The following SOX5 variants were observed in gnomAD, a reference collection of about 807,000 sequenced individuals.
The protein encoded by SOX5 is SRY-box transcription factor 5, also known as transcription factor SOX-5.
Under a neutral mutation model 92.0 loss-of-function variants are expected in SOX5, and 9 were observed. That is an observed-to-expected ratio of 0.10 (90% confidence interval 0.06 to 0.17). SOX5 has a LOEUF of 0.17. Among genes scored for constraint, SOX5 ranks in the 10% least tolerant of loss-of-function variants. SOX5 has a pLI of 1.00. For synonymous variants in SOX5, 344 were observed against 336.3 expected (o/e 1.02, Z -0.25); for missense variants, 642 against 944.5 (o/e 0.68, Z 4.20).
chr12:24,031,840 G>A (rs911439951), intron 4 of SOX5, among the ~76,000 whole-genome samples: 1 of 151,628 alleles, frequency 6.6e-6, no homozygotes, highest in Admixed American at 6.6e-5. Flanking sequence ...AGGCAGGAGT[G>A]ACATTATAAA....
intron 3 of SOX5, among the ~76,000 whole-genome samples, chr12:24,275,269 T>C (rs1944302238): frequency 6.6e-6 from 1 of 152,110 alleles, no homozygotes; most frequent in Admixed American, 6.6e-5. Context: ...CCAGAGTTAA[T>C]TATATTCGAT....
At chr12:24,382,567 T>C (rs1331136875) in intron 1 of SOX5, among the ~76,000 whole-genome samples, 2 of 152,140 alleles carry the variant, frequency 1.3e-5, no homozygotes, top group African/African-American at 2.4e-5. Flanking sequence ...GAGCACAGGA[T>C]GACATCTGAC....
At chr12:24,034,246 C>G (rs970898627) in intron 4 of SOX5, among the ~76,000 whole-genome samples, 2 of 152,002 alleles carry the variant, frequency 1.3e-5, no homozygotes, top group African/African-American at 4.8e-5. Context: ...AAGCTCCCTT[C>G]TCTCTCATTT....
At chr12:23,997,967 G>A (rs12820271) in intron 4 of SOX5, among the ~76,000 whole-genome samples, 8,404 of 152,160 alleles carry the variant, frequency 0.055, 315 homozygotes, top group Non-Finnish European at 0.087. Context: ...GTGGGGGGGT[G>A]CAAGGTGAAG....
intron 4 of SOX5, among the ~76,000 whole-genome samples, chr12:23,968,070 T>A (rs985170251): frequency 6.6e-6 from 1 of 152,172 alleles, no homozygotes; most frequent in South Asian, 2.1e-4. Context: ...CAATCAGAGA[T>A]AGTAATTTGC....
chr12:24,325,450 C>A (rs1171734829), intron 2 of SOX5, among the ~76,000 whole-genome samples: 1 of 151,872 alleles, frequency 6.6e-6, no homozygotes, highest in East Asian at 1.9e-4. Flanking sequence ...GAGGGAAGAA[C>A]CGTTGAGAGA....
chr12:23,832,395 A>G (rs1432288080), intron 3 of SOX5, among the ~76,000 whole-genome samples: 2 of 152,036 alleles, frequency 1.3e-5, no homozygotes, highest in Non-Finnish European at 2.9e-5. Context: ...ACCTATCCTA[A>G]ATTTCCAGAT....
At chr12:24,150,621 GGAA>G (rs1270405818) in intron 4 of SOX5, among the ~76,000 whole-genome samples, 1 of 152,014 alleles carries the variant, frequency 6.6e-6, no homozygotes, top group Non-Finnish European at 1.5e-5. Flanking sequence ...CAAGCGCAAA[GGAA>G]GAAGATGATA....
intron 7 of SOX5, among the ~76,000 whole-genome samples, chr12:23,658,533 G>A (rs907770586): frequency 6.6e-6 from 1 of 152,096 alleles, no homozygotes; most frequent in African/African-American, 2.4e-5. Flanking sequence ...CAAAGTCATC[G>A]GTTTATAAAC....
intron 2 of SOX5, among the ~76,000 whole-genome samples, chr12:24,344,608 A>G (rs952607495): frequency 3.9e-5 from 6 of 152,154 alleles, no homozygotes; most frequent in African/African-American, 9.7e-5. Flanking sequence ...TCAAATGACT[A>G]TCGTTCTCAC....
intron 3 of SOX5, among the ~76,000 whole-genome samples, chr12:23,818,053 C>G (rs560993651): frequency 1.8e-4 from 27 of 152,198 alleles, no homozygotes; most frequent in African/African-American, 5.3e-4. Flanking sequence ...TGTTAAAACA[C>G]GAATCATAAG....
At chr12:23,916,287 G>A (rs1188111297) in intron 1 of SOX5, among the ~76,000 whole-genome samples, 2 of 152,014 alleles carry the variant, frequency 1.3e-5, no homozygotes, top group African/African-American at 2.4e-5. Flanking sequence ...GAGTGTAACC[G>A]CACACAATCC....
At chr12:23,730,642 A>T (rs1217413735) in intron 6 of SOX5, among the ~76,000 whole-genome samples, 1 of 152,242 alleles carries the variant, frequency 6.6e-6, no homozygotes, top group African/African-American at 2.4e-5. Context: ...AGAATTATGC[A>T]GTTTTAGAGC....
At chr12:23,938,385 T>C (rs2139445164) in intron 1 of SOX5, among the ~76,000 whole-genome samples, 1 of 151,138 alleles carries the variant, frequency 6.6e-6, no homozygotes, top group Admixed American at 6.6e-5. Flanking sequence ...AAATCTATAA[T>C]GTGCTAGATT....
At chr12:24,214,971 A>T (rs1252312118) in intron 3 of SOX5, among the ~76,000 whole-genome samples, 2 of 152,136 alleles carry the variant, frequency 1.3e-5, no homozygotes, top group African/African-American at 4.8e-5. Context: ...AATATCAAAT[A>T]ACATACCATA....
chr12:24,309,839 A>G (rs1595447837), intron 2 of SOX5, among the ~76,000 whole-genome samples: 2 of 152,214 alleles, frequency 1.3e-5, no homozygotes, highest in Admixed American at 1.3e-4. Context: ...GTTTACAAGT[A>G]GTAACTTGGA....
chr12:24,362,478 T>C (rs1458019532), intron 2 of SOX5, among the ~76,000 whole-genome samples: 1 of 152,190 alleles, frequency 6.6e-6, no homozygotes, highest in Non-Finnish European at 1.5e-5. Context: ...AGATCAATTG[T>C]GTAGACATTA....
At chr12:23,608,115 G>GAAAAAAAAAAAAA (rs772255622) in intron 8 of SOX5, among the ~76,000 whole-genome samples, 2 of 44,064 alleles carry the variant, frequency 4.5e-5, no homozygotes, top group African/African-American at 7.8e-5. Context: ...AAAGAAAAAA[G>GAAAAAAAAAAAAA]AAAAAAAAAA....
intron 2 of SOX5, among the ~76,000 whole-genome samples, chr12:24,362,514 G>C (rs1039786634): frequency 2.0e-5 from 3 of 152,150 alleles, no homozygotes; most frequent in African/African-American, 7.2e-5. Flanking sequence ...TGGGGAGAGG[G>C]AATCAACTGG....
Sources: gnomAD v4.1 joint callset for allele counts (sites outside exome capture counted in the v4.1 genomes callset) on GRCh38, gnomAD v4.1.1 for gene constraint, MANE v1.5 for transcripts, NCBI Gene and HGNC (gene_info 2026-07-23, HGNC 2026-07-21) for gene names.